The following CRTAC1 variants were observed in gnomAD, a reference collection of about 807,000 sequenced individuals.
The protein encoded by CRTAC1 is acidic secreted protein in cartilage.
In CRTAC1, 37 loss-of-function variants were observed where a neutral mutation model predicts 67.8. The ratio of observed to expected loss-of-function variants is 0.55; its 90% CI spans 0.42 to 0.72. The LOEUF is 0.72. Ranked by LOEUF, CRTAC1 falls within the 30% of genes least tolerant of loss-of-function variation. The pLI, the probability that CRTAC1 is intolerant of heterozygous loss-of-function variation, is 0.00. For synonymous variants in CRTAC1, 348 were observed against 371.0 expected (o/e 0.94, Z 0.71); for missense variants, 780 against 931.6 (o/e 0.84, Z 2.12).
In CRTAC1 at chr10:97,985,296, A is replaced by G. The variant is rs181189911; in HGVS notation, c.224+25842T>C. ...AAGAATTTTTGCTCTATTTGTCAAC[A>G]TTTTTCTCACGTTGTAAATTACATT... On this transcript the variant is annotated intron_variant, in intron 2 of 14. Coordinates refer to ENST00000370597, the MANE Select transcript of CRTAC1 (RefSeq NM_018058.7). Among the ~76,000 whole-genome samples, 753 of 152,126 alleles carry G rather than the reference A, an allele frequency of 4.9e-3. 4 individuals carry two copies. The highest frequency in any genetic ancestry group is 0.016 in the African/African-American group (677 of 41,492).
At chr10:97,941,639 C>G (rs555214484) in intron 2 of CRTAC1, among the ~76,000 whole-genome samples, 1 of 152,148 alleles carries the variant, frequency 6.6e-6, no homozygotes, top group Non-Finnish European at 1.5e-5. Context: ...CCTTTGTCTT[C>G]GCCTCTCATT....
chr10:97,895,551 A>G lies in CRTAC1; in HGVS notation c.1318-138T>C, dbSNP rs2050445803. 3.9e-6 allele frequency: 3 copies of G among 778,806 alleles called. No individual in the cohort carries two copies. The highest frequency in any genetic ancestry group is 3.5e-5 in the African/African-American group (2 of 57,236). 48.2% of individuals were successfully genotyped at this position (778,806 alleles called of 1,614,324 possible). A position where few individuals can be genotyped will look rare whatever the true frequency, so the allele number is the denominator to read the frequency against. On this transcript the variant is annotated intron_variant, in intron 10 of 14. Coordinates refer to ENST00000370597, the MANE Select transcript of CRTAC1 (RefSeq NM_018058.7). The surrounding 1 kb of genome is among the most constrained non-coding windows in gnomAD (Gnocchi z 4.2). ...AAGCAGGCAGAGGAAAAAGATAGAA[A>G]CAGGAAGCCAAACAAGAAAAATGAA... is the stretch of plus-strand genomic sequence containing the variant.
intron 2 of CRTAC1, among the ~76,000 whole-genome samples, chr10:97,965,517 A>G (rs1266589226): frequency 6.6e-6 from 1 of 152,184 alleles, no homozygotes; most frequent in Non-Finnish European, 1.5e-5. Flanking sequence ...CTACCGCCAG[A>G]GGCAACCCTT....
At chr10:97,962,960 G>A (rs1264850791) in intron 2 of CRTAC1, among the ~76,000 whole-genome samples, 1 of 152,068 alleles carries the variant, frequency 6.6e-6, no homozygotes, top group African/African-American at 2.4e-5. Flanking sequence ...ACTGCACTGA[G>A]AAACCCAGTC....
intron 2 of CRTAC1, among the ~76,000 whole-genome samples, chr10:97,962,103 A>G (rs12762114): frequency 6.6e-6 from 1 of 152,152 alleles, no homozygotes. Context: ...TGCAGCCTCT[A>G]TGCTCGCGGT....
intron 3 of CRTAC1, among the ~76,000 whole-genome samples, chr10:97,932,458 C>T (rs2051017182): frequency 6.6e-6 from 1 of 152,124 alleles, no homozygotes; most frequent in Non-Finnish European, 1.5e-5. Flanking sequence ...AGATGGACAA[C>T]AAACAAAAAT....
chr10:97,877,206 G>A (rs1218096189), intron 14 of CRTAC1, among the ~76,000 whole-genome samples: 2 of 152,114 alleles, frequency 1.3e-5, no homozygotes. Context: ...CTTGCTTTCT[G>A]GTATAGCAAC....
Position 97,895,320 on chromosome 10 carries a change from C to A in CRTAC1, c.1411G>T (p.Gly471Trp), listed in dbSNP as rs2050441414. 3 of 1,613,834 alleles carry A rather than the reference C, an allele frequency of 1.9e-6. No individual in the cohort carries two copies. The highest frequency in any genetic ancestry group is 3.3e-5 in the Admixed American group (2 of 59,996). ...AKVVLYTKKS[G>W]AHLRIIDGGS... ...CCGTCGATGATCCTCAGGTGGGCCC[C>A]ACTCTTCTTGGTGTAGAGCACGACC... Residue 471 changes from glycine to tryptophan, a missense_variant, in exon 11 of 15, where the codon GGG becomes TGG. Physicochemically the swap from Gly to Trp is radical, Grantham distance 184. Transcript: ENST00000370597. This position sits in a 1 kb window ranked among gnomAD's most constrained non-coding sequence, Gnocchi z 4.2.
intron 2 of CRTAC1, among the ~76,000 whole-genome samples, chr10:97,987,534 G>A (rs1316655106): frequency 6.6e-6 from 1 of 152,246 alleles, no homozygotes; most frequent in African/African-American, 2.4e-5. Context: ...AACCAAGGAA[G>A]GGAAAGGGGT....
chr10:97,892,522 T>G (rs2050392318), intron 11 of CRTAC1, among the ~76,000 whole-genome samples: 1 of 152,194 alleles, frequency 6.6e-6, no homozygotes, highest in Non-Finnish European at 1.5e-5. Flanking sequence ...GGAGGTGGGA[T>G]CCAAATCCAG....
intron 2 of CRTAC1, among the ~76,000 whole-genome samples, chr10:97,999,209 T>A (rs1448757380): frequency 6.6e-6 from 1 of 152,076 alleles, no homozygotes; most frequent in Non-Finnish European, 1.5e-5. Context: ...GGAGAAGGCA[T>A]GAGCCCCACC....
Position 97,895,433 on chromosome 10 carries a change from C to T in CRTAC1, c.1318-20G>A. ...GAAGCCCTGCAGAGAGGGTGAGAGG[C>T]AGACACCCGGTGGGCATCAGCATGG... On this transcript the variant is annotated intron_variant, in intron 10 of 14. Transcript: ENST00000370597. The surrounding 1 kb of genome is among the most constrained non-coding windows in gnomAD (Gnocchi z 4.2). 6.4e-7 allele frequency: 1 copy of T among 1,570,798 alleles called. No individual in the cohort carries two copies. The highest frequency in any genetic ancestry group is 8.6e-7 in the Non-Finnish European group (1 of 1,159,854).
intron 2 of CRTAC1, among the ~76,000 whole-genome samples, chr10:97,957,927 T>C (rs1455852420): frequency 6.6e-6 from 1 of 152,040 alleles, no homozygotes; most frequent in Non-Finnish European, 1.5e-5. Flanking sequence ...TGGCTTTGAA[T>C]TTGGGGGAGA....
At chr10:97,920,040 C>A (rs1306362432) in intron 4 of CRTAC1, among the ~76,000 whole-genome samples, 1 of 152,118 alleles carries the variant, frequency 6.6e-6, no homozygotes, top group Non-Finnish European at 1.5e-5. Context: ...TGAGCCACCA[C>A]ACCTGGCCTA....
chr10:97,947,136 T>C (rs553619608), intron 2 of CRTAC1, among the ~76,000 whole-genome samples: 2 of 152,222 alleles, frequency 1.3e-5, no homozygotes, highest in African/African-American at 4.8e-5. Flanking sequence ...AAGGAGCCAA[T>C]GAATGCTTCA....
chr10:98,025,215 C>T (rs1486654336), intron 1 of CRTAC1, among the ~76,000 whole-genome samples: 3 of 152,082 alleles, frequency 2.0e-5, no homozygotes, highest in Non-Finnish European at 4.4e-5. Flanking sequence ...GCTCCAGTCC[C>T]GGGTTTCTCA....
At chr10:97,881,736 C>A (rs2050217652) in intron 13 of CRTAC1, among the ~76,000 whole-genome samples, 1 of 151,990 alleles carries the variant, frequency 6.6e-6, no homozygotes, top group Non-Finnish European at 1.5e-5. Flanking sequence ...GTAGGGGAGT[C>A]ATTTCCTCCT....
At chr10:97,949,406 C>T (rs758189804) in intron 2 of CRTAC1, among the ~76,000 whole-genome samples, 6 of 152,164 alleles carry the variant, frequency 3.9e-5, no homozygotes, top group Non-Finnish European at 7.3e-5. Context: ...AGGGCACAGG[C>T]AGAGGTGGAA....
chr10:97,974,231 G>A (rs2051761423), intron 2 of CRTAC1, among the ~76,000 whole-genome samples: 2 of 152,224 alleles, frequency 1.3e-5, no homozygotes, highest in Middle Eastern at 6.8e-3. Flanking sequence ...GGTGGGAGAC[G>A]CCCAGGAAGC....
Sources: gnomAD v4.1 joint callset for allele counts (sites outside exome capture counted in the v4.1 genomes callset) on GRCh38, gnomAD v4.1.1 for gene constraint, Gnocchi (gnomAD v3.1) non-coding constraint, MANE v1.5 for transcripts, NCBI Gene and HGNC (gene_info 2026-07-23, HGNC 2026-07-21) for gene names.